CCSER1: variants seen among roughly 807,000 people sequenced by gnomAD.
The protein encoded by CCSER1 is coiled-coil serine rich protein 1, also known as serine-rich coiled-coil domain-containing protein 1.
CCSER1 carries 41 observed loss-of-function variants against 82.0 expected under a neutral mutation model. That is an observed-to-expected ratio of 0.50 (90% CI 0.39 to 0.65). CCSER1 has a LOEUF of 0.65. CCSER1 is among the 30% of genes least tolerant of loss of function. The probability of loss-of-function intolerance (pLI) is 0.00; values close to 1 mark genes in which losing one functional copy is unlikely to be tolerated. For missense variants in CCSER1, 1,119 were observed against 1,064.2 expected, an observed-to-expected ratio of 1.05 and a Z score of -0.72; for synonymous variants, 414 against 383.9, an observed-to-expected ratio of 1.08 and a Z score of -0.92.
chr4:90,834,908 A>G (rs1308081548), intron 8 of CCSER1, among the ~76,000 whole-genome samples: 5 of 152,224 alleles, frequency 3.3e-5, no homozygotes, highest in African/African-American at 9.7e-5. Context: ...AAGTTTCCTT[A>G]AAAAACAAAA....
chr4:90,700,516 G>T (rs1460993208), intron 6 of CCSER1, among the ~76,000 whole-genome samples: 4 of 152,202 alleles, frequency 2.6e-5, no homozygotes, highest in African/African-American at 9.7e-5. Flanking sequence ...TAATGGAATG[G>T]CTGGGTCAAA....
At chr4:90,929,395 C>T (rs1452469605) in intron 9 of CCSER1, among the ~76,000 whole-genome samples, 1 of 152,076 alleles carries the variant, frequency 6.6e-6, no homozygotes, top group Non-Finnish European at 1.5e-5. Context: ...AAAATTACTG[C>T]GTTATGCCTT....
At chr4:90,585,458 T>C (rs1301498914) in intron 5 of CCSER1, among the ~76,000 whole-genome samples, 2 of 152,198 alleles carry the variant, frequency 1.3e-5, no homozygotes, top group Non-Finnish European at 2.9e-5. Context: ...GGAAAGGCTT[T>C]TAAGATCTGT....
At chr4:91,165,186 G>A (rs1248491373) in intron 10 of CCSER1, among the ~76,000 whole-genome samples, 1 of 152,108 alleles carries the variant, frequency 6.6e-6, no homozygotes, top group Non-Finnish European at 1.5e-5. Context: ...CTAAGAGTCA[G>A]GTCCCTCAGC....
In CCSER1 at chr4:91,195,557, T is replaced by A. The variant is rs897703468; in HGVS notation, c.2217+109563T>A. Among the ~76,000 whole-genome samples the A allele has an allele frequency of 4.0e-4, 61 of 152,198 alleles. 1 individual carries two copies. Among genetic ancestry groups the A allele is most frequent in the African/African-American group, 1.4e-3 (59 of 41,452 alleles). The stretch of plus-strand genomic sequence containing the variant: ...AATTAACTGATGGAAGGAATTGGTT[T>A]CATGAGACGCTGTATTCTGAAATCA... On this transcript the variant is annotated intron_variant, in intron 10 of 10. Coordinates refer to ENST00000509176, the MANE Select transcript of CCSER1 (RefSeq NM_001145065.2).
At chr4:90,805,203 A>T (rs915482826) in intron 7 of CCSER1, among the ~76,000 whole-genome samples, 1 of 152,174 alleles carries the variant, frequency 6.6e-6, no homozygotes, top group African/African-American at 2.4e-5. Context: ...GAATGATTCA[A>T]CTGGGAAGTT....
intron 1 of CCSER1, among the ~76,000 whole-genome samples, chr4:90,190,188 A>G (rs1735368202): frequency 6.6e-6 from 1 of 152,062 alleles, no homozygotes; most frequent in Admixed American, 6.6e-5. Flanking sequence ...GAATTCAACC[A>G]TCCAGCTCTG....
chr4:90,790,297 A>T (rs1036086583), intron 7 of CCSER1, among the ~76,000 whole-genome samples: 4 of 152,186 alleles, frequency 2.6e-5, no homozygotes, highest in African/African-American at 4.8e-5. Context: ...ATTTTCCATG[A>T]TTAAAATTTA....
intron 5 of CCSER1, among the ~76,000 whole-genome samples, chr4:90,585,985 A>G (rs1001953177): frequency 6.6e-6 from 1 of 152,218 alleles, no homozygotes; most frequent in African/African-American, 2.4e-5. Context: ...AAATTCATTA[A>G]TAATGATGTC....
chr4:91,118,537 C>T (rs537779063), intron 10 of CCSER1, among the ~76,000 whole-genome samples: 11 of 152,032 alleles, frequency 7.2e-5, no homozygotes, highest in Non-Finnish European at 1.5e-4. Flanking sequence ...GGCCTCCTAA[C>T]GTGCTGGGAT....
chr4:90,206,481 G>T (rs1237723236), intron 1 of CCSER1, among the ~76,000 whole-genome samples: 2 of 152,076 alleles, frequency 1.3e-5, no homozygotes. Flanking sequence ...GGAGCAGGTT[G>T]TTCAGTTTCC....
intron 1 of CCSER1, among the ~76,000 whole-genome samples, chr4:90,304,019 T>C (rs1243094713): frequency 1.3e-5 from 2 of 151,984 alleles, no homozygotes; most frequent in African/African-American, 4.8e-5. Flanking sequence ...CTCGAAGACA[T>C]TTATGCAGCC....
rs557498213 is a variant in CCSER1 at position 91,147,884 on chromosome 4, G to A, written c.2217+61890G>A. Reference sequence around the variant, plus strand: ...AATATTTTAAGATTTTACAGCTACAGTAACTGCCTAGGCAGGAAATTCTCA... The same window carrying A: ...AATATTTTAAGATTTTACAGCTACAATAACTGCCTAGGCAGGAAATTCTCA... On this transcript the variant is annotated intron_variant, in intron 10 of 10. Coordinates refer to ENST00000509176, the MANE Select transcript of CCSER1 (RefSeq NM_001145065.2). 5.9e-5 allele frequency among the ~76,000 whole-genome samples: 9 copies of A among 152,300 alleles called. No homozygotes were observed. The East Asian group carries it at 1.2e-3, about 20-fold the overall frequency.
chr4:90,548,438 T>G (rs1418390750), intron 5 of CCSER1, among the ~76,000 whole-genome samples: 1 of 151,992 alleles, frequency 6.6e-6, no homozygotes, highest in Non-Finnish European at 1.5e-5. Context: ...TTATCTTCAC[T>G]GACAATTTCA....
chr4:90,873,859 A>T (rs1295357192), intron 8 of CCSER1, among the ~76,000 whole-genome samples: 2 of 152,170 alleles, frequency 1.3e-5, no homozygotes, highest in African/African-American at 4.8e-5. Context: ...ATAGTGACAG[A>T]TGACATTCAT....
chr4:90,822,370 T>G (rs1759849787), intron 8 of CCSER1, among the ~76,000 whole-genome samples: 1 of 152,200 alleles, frequency 6.6e-6, no homozygotes, highest in Non-Finnish European at 1.5e-5. Flanking sequence ...ACACTTTTAT[T>G]TGTTTTCTAG....
chr4:91,361,623 A>G lies in CCSER1; in HGVS notation c.2218-236949A>G, dbSNP rs79084767. ...GGGATTTCAAAGAGTGGAGGGAGAG[A>G]CTTATTAACAGAGACTGCAAGTAGA... On this transcript the variant is annotated intron_variant, in intron 10 of 10. Transcript: ENST00000509176. Among the ~76,000 whole-genome samples, 12 of 151,898 alleles carry G rather than the reference A, an allele frequency of 7.9e-5. No individual in the cohort carries two copies. In the East Asian group the frequency reaches 2.1e-3, roughly 27 times the overall value.
intron 10 of CCSER1, among the ~76,000 whole-genome samples, chr4:91,104,145 G>C (rs1173119457): frequency 3.3e-5 from 5 of 152,102 alleles, no homozygotes; most frequent in Non-Finnish European, 7.3e-5. Flanking sequence ...CTCTGCACTT[G>C]AACCCTGTTT....
chr4:91,351,512 A>C (rs2149300444), intron 10 of CCSER1, among the ~76,000 whole-genome samples: 1 of 152,202 alleles, frequency 6.6e-6, no homozygotes, highest in African/African-American at 2.4e-5. Flanking sequence ...CATGAAACAG[A>C]TTCTGGTATA....
Sources: gnomAD v4.1 joint callset for allele counts (sites outside exome capture counted in the v4.1 genomes callset) on GRCh38, gnomAD v4.1.1 for gene constraint, MANE v1.5 for transcripts, NCBI Gene and HGNC (gene_info 2026-07-23, HGNC 2026-07-21) for gene names.